The following PDE4D variants were observed in gnomAD, a reference collection of about 807,000 sequenced individuals.
PDE4D encodes 3',5'-cyclic-AMP phosphodiesterase 4D.
A neutral mutation model predicts 87.4 loss-of-function variants in PDE4D; 24 were observed. The ratio of observed to expected loss-of-function variants is 0.27; its 90% CI spans 0.20 to 0.39. PDE4D has a LOEUF of 0.39. Ranked by LOEUF, PDE4D falls within the 10% of genes least tolerant of loss-of-function variation. The pLI, the probability that PDE4D is intolerant of heterozygous loss-of-function variation, is 1.00. For synonymous variants in PDE4D, 384 were observed against 383.2 expected (o/e 1.00, Z -0.02); for missense variants, 714 against 1,041.0 (o/e 0.69, Z 4.32).
At chr5:60,178,911 G>A (rs899092074) in intron 2 of PDE4D, among the ~76,000 whole-genome samples, 4 of 152,106 alleles carry the variant, frequency 2.6e-5, no homozygotes, top group South Asian at 2.1e-4. Flanking sequence ...ATACAGTTCC[G>A]TGGGATGTAA....
intron 5 of PDE4D, among the ~76,000 whole-genome samples, chr5:59,113,451 C>A (rs140233818): frequency 6.6e-6 from 1 of 152,256 alleles, no homozygotes; most frequent in East Asian, 1.9e-4. Context: ...ACTCTGTTAT[C>A]AAAAACACAT....
chr5:60,146,862 T>C (rs1781041673), intron 2 of PDE4D, among the ~76,000 whole-genome samples: 1 of 152,126 alleles, frequency 6.6e-6, no homozygotes, highest in Non-Finnish European at 1.5e-5. Context: ...CCAACAGATA[T>C]ATGAAAAAGT....
At chr5:60,143,300 TAACA>T (rs1780697657) in intron 2 of PDE4D, among the ~76,000 whole-genome samples, 1 of 152,238 alleles carries the variant, frequency 6.6e-6, no homozygotes, top group African/African-American at 2.4e-5. Flanking sequence ...TTCACATTAC[TAACA>T]GAGAAACATC....
At chr5:59,882,769 T>C (rs1050635376) in intron 1 of PDE4D, among the ~76,000 whole-genome samples, 2 of 130,188 alleles carry the variant, frequency 1.5e-5, no homozygotes, top group African/African-American at 6.5e-5. Context: ...CTCCTTTCCT[T>C]CTTTTTTTTT....
At chr5:59,110,290 A>G (rs1422335230) in intron 5 of PDE4D, among the ~76,000 whole-genome samples, 82 of 152,178 alleles carry the variant, frequency 5.4e-4, no homozygotes, top group Non-Finnish European at 7.4e-5. Flanking sequence ...TTGGTTGAGG[A>G]CAGATTCTGG....
At chr5:59,943,921 G>A (rs1433698525) in intron 3 of PDE4D, among the ~76,000 whole-genome samples, 2 of 152,186 alleles carry the variant, frequency 1.3e-5, no homozygotes, top group South Asian at 2.1e-4. Context: ...TATGGCAGAC[G>A]AAGGGAAGCA....
chr5:59,337,497 C>T (rs553984274), intron 1 of PDE4D, among the ~76,000 whole-genome samples: 12 of 152,072 alleles, frequency 7.9e-5, no homozygotes, highest in African/African-American at 2.9e-4. Flanking sequence ...TAGGAGCAGT[C>T]AACAGCTAAC....
chr5:60,360,821 C>T (rs1250422944), intron 1 of PDE4D, among the ~76,000 whole-genome samples: 1 of 152,194 alleles, frequency 6.6e-6, no homozygotes, highest in Non-Finnish European at 1.5e-5. Flanking sequence ...TGTCCCAACT[C>T]AGGAGACCAC....
chr5:60,305,024 T>G (rs1754349407), intron 1 of PDE4D, among the ~76,000 whole-genome samples: 1 of 146,384 alleles, frequency 6.8e-6, no homozygotes, highest in South Asian at 2.2e-4. Flanking sequence ...TCTAGTTATT[T>G]TAGTTTTGAG....
chr5:59,513,066 C>A (rs145884449), intron 1 of PDE4D, among the ~76,000 whole-genome samples: 1 of 152,064 alleles, frequency 6.6e-6, no homozygotes, highest in African/African-American at 2.4e-5. Flanking sequence ...AAATATTCAT[C>A]TTAAACCATG....
chr5:59,643,950 G>T (rs1247100132), intron 1 of PDE4D, among the ~76,000 whole-genome samples: 1 of 152,108 alleles, frequency 6.6e-6, no homozygotes, highest in Non-Finnish European at 1.5e-5. Context: ...TTTGTAGAAG[G>T]TATATAAATG....
chr5:59,270,106 C>T (rs184586727), intron 1 of PDE4D, among the ~76,000 whole-genome samples: 16 of 152,148 alleles, frequency 1.1e-4, no homozygotes, highest in Admixed American at 3.9e-4. Context: ...TTAAATACAT[C>T]AAATATTTCA....
intron 1 of PDE4D, among the ~76,000 whole-genome samples, chr5:60,227,908 G>A (rs937530537): frequency 2.0e-4 from 31 of 151,886 alleles, no homozygotes; most frequent in African/African-American, 1.9e-4. Flanking sequence ...GCAGTCGCAC[G>A]TCACATCACT....
intron 1 of PDE4D, among the ~76,000 whole-genome samples, chr5:59,802,949 C>T (rs996580924): frequency 6.6e-6 from 1 of 152,068 alleles, no homozygotes; most frequent in African/African-American, 2.4e-5. Context: ...AAAGCAAGAA[C>T]ATAGAAAACA....
chr5:59,081,923 G>A (rs536285018), intron 5 of PDE4D, among the ~76,000 whole-genome samples: 14 of 152,180 alleles, frequency 9.2e-5, no homozygotes, highest in African/African-American at 3.4e-4. Flanking sequence ...TTTCCCCCAT[G>A]CTGTTCTCAT....
intron 5 of PDE4D, among the ~76,000 whole-genome samples, chr5:59,148,214 C>T (rs1180492153): frequency 1.3e-5 from 2 of 152,020 alleles, no homozygotes; most frequent in Non-Finnish European, 2.9e-5. Context: ...CCTTGGAGTC[C>T]TGGTTCTATA....
intron 3 of PDE4D, chr5:59,987,513 T>C (rs1218011508): frequency 6.6e-6 from 1 of 152,216 alleles, no homozygotes; most frequent in Admixed American, 6.5e-5. Flanking sequence ...ATCTTTGAGT[T>C]GAGTTACTAG....
chr5:59,093,344 C>T (rs866870492), intron 5 of PDE4D, among the ~76,000 whole-genome samples: 3 of 152,104 alleles, frequency 2.0e-5, no homozygotes, highest in African/African-American at 2.4e-5. Context: ...TGGAGGAAAT[C>T]GGCTAGAGAG....
At chr5:60,031,831 T>C (rs1314270909) in intron 2 of PDE4D, among the ~76,000 whole-genome samples, 2 of 152,070 alleles carry the variant, frequency 1.3e-5, no homozygotes, top group African/African-American at 2.4e-5. Context: ...GTTAAAGTAA[T>C]TGGAATTATT....
Sources: gnomAD v4.1 joint callset for allele counts (sites outside exome capture counted in the v4.1 genomes callset) on GRCh38, gnomAD v4.1.1 for gene constraint, MANE v1.5 for transcripts, NCBI Gene and HGNC (gene_info 2026-07-23, HGNC 2026-07-21) for gene names.